Variants in CHRNA7 observed in about 807,000 individuals in gnomAD.
CHRNA7 encodes the protein cholinergic receptor nicotinic alpha 7 subunit, also known as neuronal acetylcholine receptor subunit alpha-7.
A neutral mutation model predicts 48.0 loss-of-function variants in CHRNA7; 17 were observed. The observed-to-expected ratio is 0.35, with a 90% CI of 0.24 to 0.53. The LOEUF is 0.53. CHRNA7 is among the 20% of genes least tolerant of loss of function. The probability of loss-of-function intolerance (pLI) is 0.92; values close to 1 mark genes in which losing one functional copy is unlikely to be tolerated. For synonymous variants in CHRNA7, 75 were observed against 242.3 expected, an observed-to-expected ratio of 0.31 and a Z score of 6.41; for missense variants, 155 against 577.7, an observed-to-expected ratio of 0.27 and a Z score of 7.50.
chr15:32,132,387 T>A (rs1468094128), intron 4 of CHRNA7, among the ~76,000 whole-genome samples: 1 of 152,218 alleles, frequency 6.6e-6, no homozygotes, highest in Non-Finnish European at 1.5e-5. Context: ...CCCTTCTGCC[T>A]TCTTCTCTGA....
chr15:32,064,244 C>G (rs1226829133), intron 2 of CHRNA7, among the ~76,000 whole-genome samples: 1 of 152,012 alleles, frequency 6.6e-6, no homozygotes, highest in South Asian at 2.1e-4. Flanking sequence ...TCTTCCTCCC[C>G]GTGCCCCTTT....
intron 2 of CHRNA7, among the ~76,000 whole-genome samples, chr15:32,051,533 T>C (rs1048009111): frequency 1.3e-5 from 2 of 151,784 alleles, no homozygotes; most frequent in Non-Finnish European, 2.9e-5. Flanking sequence ...AGTGGCCCGA[T>C]TTTCCAGGTG....
rs80049863 is a variant in CHRNA7, at chr15:32,044,091, A to C, written c.195+13054A>C. Among the ~76,000 whole-genome samples the C allele has an allele frequency of 8.6e-3, 1,307 of 152,096 alleles. 22 individuals are homozygous for C. The highest frequency in any genetic ancestry group is 0.03 in the African/African-American group (1,247 of 41,500). On this transcript the variant is annotated intron_variant, in intron 2 of 9. Transcript: ENST00000306901. ...TTCTTGTTTTCTTTGGTCACTTTTA[A>C]ATTTTATTCTTTGTCTTTGATTTTT...
chr15:32,045,473 G>C (rs1458795255), intron 2 of CHRNA7, among the ~76,000 whole-genome samples: 5 of 152,178 alleles, frequency 3.3e-5, no homozygotes, highest in African/African-American at 1.2e-4. Context: ...GTTTGTTTCT[G>C]GTTCTTGCAT....
intron 2 of CHRNA7, among the ~76,000 whole-genome samples, chr15:32,046,027 C>T (rs2049538275): frequency 6.6e-6 from 1 of 151,238 alleles, no homozygotes; most frequent in Admixed American, 6.6e-5. Flanking sequence ...CATAGTATTC[C>T]ATGGTGTATA....
At position 32,075,419 on chromosome 15, in the gene CHRNA7, A is replaced by T. The variant is rs192822114; in HGVS notation, c.196-25884A>T. ...AAAATTATTTATTTTGTATTAGGTG[A>T]GTTGTAATCATTTGTCTTTTTTGAG... is the stretch of plus-strand genomic sequence containing the variant. On this transcript the variant is annotated intron_variant, in intron 2 of 9. Transcript: ENST00000306901. Among the ~76,000 whole-genome samples, 548 of 152,228 alleles carry T rather than the reference A, an allele frequency of 3.6e-3. 6 individuals are homozygous for T. Among genetic ancestry groups the T allele is most frequent in the Middle Eastern group, 3.4e-3 (1 of 294 alleles).
intron 2 of CHRNA7, among the ~76,000 whole-genome samples, chr15:32,060,602 G>C (rs906418636): frequency 2.6e-5 from 4 of 152,180 alleles, no homozygotes; most frequent in Admixed American, 2.6e-4. Flanking sequence ...TATGACAACA[G>C]AAACCCAATC....
At chr15:32,060,538 A>T (rs2049862767) in intron 2 of CHRNA7, among the ~76,000 whole-genome samples, 1 of 152,244 alleles carries the variant, frequency 6.6e-6, no homozygotes, top group Admixed American at 6.5e-5. Flanking sequence ...ATCCAATAAA[A>T]CTAAGAAATG....
In CHRNA7 at chr15:32,167,437, T is replaced by G; in HGVS notation, c.991-503T>G. ...GTAATCTGATGTTGGAAGCCTGAAG[T>G]GCTTCAAGCTTCAAGTTTACCTGGT... On this transcript the variant is annotated intron_variant, in intron 9 of 9. Transcript: ENST00000306901. 2.0e-5 allele frequency: 2 copies of G among 100,542 alleles called. 1 individual carries two copies. The highest frequency in any genetic ancestry group is 6.5e-4 in the South Asian group (2 of 3,092). 6.2% of individuals were successfully genotyped at this position (100,542 alleles called of 1,614,324 possible).
chr15:32,049,875 G>C (rs1307702169), intron 2 of CHRNA7, among the ~76,000 whole-genome samples: 2 of 152,082 alleles, frequency 1.3e-5, no homozygotes, highest in East Asian at 3.9e-4. Context: ...TTGCTTGTCT[G>C]TAAAGTATTT....
At chr15:32,117,673 C>T (rs372047597) in intron 4 of CHRNA7, among the ~76,000 whole-genome samples, 2 of 152,078 alleles carry the variant, frequency 1.3e-5, no homozygotes, top group Non-Finnish European at 1.5e-5. Context: ...AAGCCTGCAT[C>T]CCAGCAAGGG....
chr15:32,050,777 T>G (rs2049655807), intron 2 of CHRNA7, among the ~76,000 whole-genome samples: 1 of 152,172 alleles, frequency 6.6e-6, no homozygotes, highest in Admixed American at 6.5e-5. Context: ...CTTTGTGGTT[T>G]TATTTACTTT....
chr15:32,143,693 A>G (rs903887888), intron 4 of CHRNA7, among the ~76,000 whole-genome samples: 52 of 151,864 alleles, frequency 3.4e-4, no homozygotes, highest in African/African-American at 1.2e-3. Flanking sequence ...GTCTCTTTTT[A>G]TCTTTGTTGG....
chr15:32,125,118 A>G (rs2051043478), intron 4 of CHRNA7, among the ~76,000 whole-genome samples: 1 of 152,204 alleles, frequency 6.6e-6, no homozygotes, highest in Non-Finnish European at 1.5e-5. Flanking sequence ...AAACACTATC[A>G]TTACTTCCAG....
At chr15:32,041,052 G>GT (rs2049439666) in intron 2 of CHRNA7, among the ~76,000 whole-genome samples, 1 of 152,092 alleles carries the variant, frequency 6.6e-6, no homozygotes, top group African/African-American at 2.4e-5. Context: ...AAAGGGAAGG[G>GT]TTTTTTGTCT....
chr15:32,085,416 G>A (rs182737219), intron 2 of CHRNA7, among the ~76,000 whole-genome samples: 218 of 152,220 alleles, frequency 1.4e-3, no homozygotes, highest in African/African-American at 5.0e-3. Context: ...AAGAAACTTA[G>A]CACCATATTC....
At chr15:32,038,605 T>C (rs187597049) in intron 2 of CHRNA7, among the ~76,000 whole-genome samples, 71 of 152,282 alleles carry the variant, frequency 4.7e-4, no homozygotes, top group African/African-American at 1.6e-3. Context: ...CTGAGCTCAG[T>C]TGATCTGCCT....
intron 4 of CHRNA7, chr15:32,112,134 C>T (rs187555054): frequency 3.2e-5 from 20 of 619,792 alleles, no homozygotes; most frequent in East Asian, 3.0e-4. Flanking sequence ...CTACTTAAGA[C>T]GCCCATGAAG....
chr15:32,155,986 TGA>T (rs1259272850), intron 5 of CHRNA7: 4 of 85,512 alleles, frequency 4.7e-5, no homozygotes, highest in Admixed American at 4.6e-4. Context: ...ACAGCTTTAT[TGA>T]GAGAGAATTT....
Sources: gnomAD v4.1 joint callset for allele counts (sites outside exome capture counted in the v4.1 genomes callset) on GRCh38, gnomAD v4.1.1 for gene constraint, MANE v1.5 for transcripts, NCBI Gene and HGNC (gene_info 2026-07-23, HGNC 2026-07-21) for gene names.